PARD3B: variants seen among roughly 807,000 people sequenced by gnomAD.
PARD3B encodes the protein partitioning defective 3 homolog B.
In PARD3B, 103 loss-of-function variants were observed where a neutral mutation model predicts 130.2. The observed-to-expected ratio is 0.79, with a 90% CI of 0.67 to 0.93. The LOEUF (loss-of-function observed/expected upper bound fraction) is 0.93, where lower values mean the gene tolerates loss of function less well. PARD3B is among the 40% of genes least tolerant of loss of function. The pLI is 0.00. For synonymous variants in PARD3B, 583 were observed against 553.2 expected (o/e 1.05, Z -0.76); for missense variants, 1,609 against 1,499.2 (o/e 1.07, Z -1.21).
At chr2:204,972,493 T>C (rs1691796343) in intron 3 of PARD3B, among the ~76,000 whole-genome samples, 1 of 152,196 alleles carries the variant, frequency 6.6e-6, no homozygotes, top group Non-Finnish European at 1.5e-5. Context: ...TTTTTCTACC[T>C]GCTTCAGTTA....
chr2:204,691,375 C>T (rs1029648994), intron 2 of PARD3B, among the ~76,000 whole-genome samples: 13 of 152,218 alleles, frequency 8.5e-5, no homozygotes, highest in African/African-American at 2.4e-4. Context: ...CTGTTCTTGA[C>T]TAAATTTTGC....
At chr2:204,858,499 TAA>T (rs554680233) in intron 2 of PARD3B, among the ~76,000 whole-genome samples, 46 of 117,044 alleles carry the variant, frequency 3.9e-4, no homozygotes, top group Middle Eastern at 4.5e-3. Flanking sequence ...ATGTGGAATC[TAA>T]AAAAAAAAAA....
intron 16 of PARD3B, among the ~76,000 whole-genome samples, chr2:205,259,019 C>A (rs1174027203): frequency 6.6e-6 from 1 of 152,188 alleles, no homozygotes; most frequent in East Asian, 1.9e-4. Context: ...TGTATCTAAT[C>A]CTTCTCCCAA....
chr2:205,106,369 G>A (rs1053063791), intron 5 of PARD3B, among the ~76,000 whole-genome samples: 2 of 151,800 alleles, frequency 1.3e-5, no homozygotes, highest in Admixed American at 6.6e-5. Context: ...GGCTGGTCTC[G>A]AACTCCTAAC....
intron 2 of PARD3B, among the ~76,000 whole-genome samples, chr2:204,779,638 C>T (rs1035885462): frequency 1.3e-5 from 2 of 152,078 alleles, no homozygotes; most frequent in African/African-American, 4.8e-5. Context: ...TTATTTCCTA[C>T]CAACCACTGT....
chr2:204,765,037 G>C (rs1218654014), intron 2 of PARD3B, among the ~76,000 whole-genome samples: 2 of 152,134 alleles, frequency 1.3e-5, no homozygotes, highest in Non-Finnish European at 2.9e-5. Context: ...AGAGAAAATA[G>C]TTAAATGGAG....
At chr2:204,935,376 A>AAAC (rs1688360935) in intron 2 of PARD3B, among the ~76,000 whole-genome samples, 2 of 147,560 alleles carry the variant, frequency 1.4e-5, no homozygotes, top group African/African-American at 4.9e-5. Context: ...AAAAATACAA[A>AAAC]AAAAAAAAAA....
intron 4 of PARD3B, among the ~76,000 whole-genome samples, chr2:205,054,929 C>G (rs977080343): frequency 1.3e-5 from 2 of 152,092 alleles, no homozygotes; most frequent in African/African-American, 2.4e-5. Flanking sequence ...TGGTACTCTA[C>G]TTAGCCTTCC....
At chr2:205,557,728 A>AT (rs987675331) in intron 22 of PARD3B, among the ~76,000 whole-genome samples, 5 of 152,280 alleles carry the variant, frequency 3.3e-5, no homozygotes, top group Admixed American at 6.5e-5. Context: ...GCATTGAAGG[A>AT]TTTTTTATTG....
chr2:205,576,252 A>G (rs1463490585), intron 22 of PARD3B, among the ~76,000 whole-genome samples: 1 of 148,712 alleles, frequency 6.7e-6, no homozygotes, highest in Non-Finnish European at 1.5e-5. Flanking sequence ...TTCACATTCT[A>G]TGTATATTTT....
At position 205,276,053 on chromosome 2, in the gene PARD3B, T is replaced by A. The variant is rs2040935610; in HGVS notation, c.2186-24477T>A. On this transcript the variant is annotated intron_variant, in intron 16 of 22. Coordinates refer to ENST00000406610, the MANE Select transcript of PARD3B (RefSeq NM_001302769.2). The surrounding 1 kb of genome is among the most constrained non-coding windows in gnomAD (Gnocchi z 5.0). The stretch of plus-strand genomic sequence containing the variant: ...TCATTATTTAGTCTGAGAAATCTAT[T>A]AAGAGTTAGTCTTAATACAAGTAAC... 6.6e-6 allele frequency among the ~76,000 whole-genome samples: 1 copy of A among 152,170 alleles called. No individual in the cohort carries two copies. Among genetic ancestry groups the A allele is most frequent in the Admixed American group, 6.5e-5 (1 of 15,268 alleles).
chr2:204,946,613 G>A (rs934394922), intron 2 of PARD3B, among the ~76,000 whole-genome samples: 6 of 152,098 alleles, frequency 3.9e-5, no homozygotes, highest in South Asian at 2.1e-4. Context: ...TGACCTCTGC[G>A]TAAAGAGGAT....
chr2:204,711,493 C>T (rs1051413690), intron 2 of PARD3B, among the ~76,000 whole-genome samples: 2 of 152,076 alleles, frequency 1.3e-5, no homozygotes, highest in Non-Finnish European at 2.9e-5. Context: ...TGTCTTACAA[C>T]TGCATATTGT....
Position 205,575,286 on chromosome 2 carries a change from C to T in PARD3B, c.3260+21883C>T, listed in dbSNP as rs2053715082. 6.6e-6 allele frequency among the ~76,000 whole-genome samples: 1 copy of T among 152,126 alleles called. No individual in the cohort carries two copies. The highest frequency in any genetic ancestry group is 6.6e-5 in the Admixed American group (1 of 15,252). ...GGTACACAGATTTCTCATAAACCTG[C>T]CACCTCAACACATGCGTAACTTCCC... is the stretch of plus-strand genomic sequence containing the variant. On this transcript the variant is annotated intron_variant, in intron 22 of 22. Coordinates refer to ENST00000406610, the MANE Select transcript of PARD3B (RefSeq NM_001302769.2). This position sits in a 1 kb window ranked among gnomAD's most constrained non-coding sequence, Gnocchi z 4.6.
In PARD3B at chr2:205,564,922, C is replaced by G. The variant is rs1001742296; in HGVS notation, c.3260+11519C>G. Among the ~76,000 whole-genome samples the G allele has an allele frequency of 6.6e-6, 1 of 152,146 alleles. No individual in the cohort carries two copies. The highest frequency in any genetic ancestry group is 2.4e-5 in the African/African-American group (1 of 41,434). The stretch of plus-strand genomic sequence containing the variant: ...CAGAAGTGACCAGGGCTTGTCTCAC[C>G]AGAGGGTTGCCCCACTCTGCAATCA... On this transcript the variant is annotated intron_variant, in intron 22 of 22. Coordinates refer to ENST00000406610, the MANE Select transcript of PARD3B (RefSeq NM_001302769.2). This position sits in a 1 kb window ranked among gnomAD's most constrained non-coding sequence, Gnocchi z 4.6.
intron 1 of PARD3B, among the ~76,000 whole-genome samples, chr2:204,642,084 G>A (rs1283531705): frequency 6.6e-6 from 1 of 152,226 alleles, no homozygotes; most frequent in Non-Finnish European, 1.5e-5. Context: ...ACCTGAGGGA[G>A]GAGTAGTTTG....
At position 205,325,707 on chromosome 2, in the gene PARD3B, T is replaced by C. The variant is rs969808241; in HGVS notation, c.2630+24006T>C. On this transcript the variant is annotated intron_variant, in intron 18 of 22. Transcript: ENST00000406610. The surrounding 1 kb of genome is among the most constrained non-coding windows in gnomAD (Gnocchi z 4.1). ...CGTACCCAGCTTCATCCTATTATTTTGAGTAATTAGACATCCTATCTAGTA... is the reference window on the plus strand; with the variant it reads ...CGTACCCAGCTTCATCCTATTATTTCGAGTAATTAGACATCCTATCTAGTA... 1.1e-4 allele frequency among the ~76,000 whole-genome samples: 17 copies of C among 152,088 alleles called. No homozygotes were observed. The highest frequency in any genetic ancestry group is 2.5e-4 in the Non-Finnish European group (17 of 68,014).
chr2:205,004,787 C>T (rs1399556761), intron 3 of PARD3B, among the ~76,000 whole-genome samples: 1 of 152,194 alleles, frequency 6.6e-6, no homozygotes, highest in African/African-American at 2.4e-5. Context: ...TAAAGCATCT[C>T]AGCTGAAATG....
chr2:205,191,037 G>A (rs1011210573), intron 14 of PARD3B, among the ~76,000 whole-genome samples: 11 of 143,662 alleles, frequency 7.7e-5, no homozygotes, highest in African/African-American at 1.3e-4. Flanking sequence ...CAATGGCTTC[G>A]TGTATTGAGA....
Sources: gnomAD v4.1 joint callset for allele counts (sites outside exome capture counted in the v4.1 genomes callset) on GRCh38, gnomAD v4.1.1 for gene constraint, Gnocchi (gnomAD v3.1) non-coding constraint, MANE v1.5 for transcripts, NCBI Gene and HGNC (gene_info 2026-07-23, HGNC 2026-07-21) for gene names.